Variants in RABGEF1 observed in about 807,000 individuals in gnomAD.
The protein encoded by RABGEF1 is rab5 GDP/GTP exchange factor.
Under a neutral mutation model 57.3 loss-of-function variants are expected in RABGEF1, and 26 were observed. The observed-to-expected ratio is 0.45, with a 90% CI of 0.33 to 0.63. The LOEUF is 0.63. Among genes scored for constraint, RABGEF1 ranks in the 20% least tolerant of loss-of-function variants. The pLI is 0.02. For missense variants in RABGEF1, 464 were observed against 607.6 expected (o/e 0.76, Z 2.48); for synonymous variants, 185 against 210.7 (o/e 0.88, Z 1.06).
intron 2 of RABGEF1, among the ~76,000 whole-genome samples, chr7:66,717,604 G>A (rs1268767894): frequency 6.6e-6 from 1 of 151,870 alleles, no homozygotes; most frequent in Admixed American, 6.6e-5. Context: ...TGTCACCCAG[G>A]CTGGAGTGCA....
intron 1 of RABGEF1, among the ~76,000 whole-genome samples, chr7:66,751,032 C>CTTTTTTTTTT (rs765625657): frequency 7.0e-6 from 1 of 142,870 alleles, no homozygotes. Flanking sequence ...CTCTTTTTTT[C>CTTTTTTTTTT]TTTTTTTTTT....
At chr7:66,668,317 G>A in the RABGEF1 span, among the ~76,000 whole-genome samples, 5 of 152,062 alleles carry the variant, frequency 3.3e-5, no homozygotes, top group Non-Finnish European at 7.4e-5. Flanking sequence ...GGCTGATCTC[G>A]AACTCCTGGC....
At chr7:66,795,850 A>G (rs1320669224) in intron 5 of RABGEF1, among the ~76,000 whole-genome samples, 1 of 152,198 alleles carries the variant, frequency 6.6e-6, no homozygotes, top group Non-Finnish European at 1.5e-5. Context: ...TGACGAAAAC[A>G]TCTTAGGGCC....
intron 1 of RABGEF1, among the ~76,000 whole-genome samples, chr7:66,698,494 TC>T (rs1182658752): frequency 6.6e-6 from 1 of 152,138 alleles, no homozygotes; most frequent in Non-Finnish European, 1.5e-5. Flanking sequence ...CGCAAACAGT[TC>T]CTTGGTTTGG....
the RABGEF1 span, among the ~76,000 whole-genome samples, chr7:66,656,932 A>G: frequency 3.3e-5 from 5 of 152,160 alleles, no homozygotes; most frequent in Non-Finnish European, 7.4e-5. Context: ...TTCTATACTG[A>G]TAAAAAGTTT....
chr7:66,684,810 A>G (rs62466125), intron 1 of RABGEF1, among the ~76,000 whole-genome samples: 5,997 of 151,424 alleles, frequency 0.04, 165 homozygotes, highest in East Asian at 0.087. Flanking sequence ...AATTTTTTGT[A>G]TTTTTAGTAG....
chr7:66,662,578 C>T, the RABGEF1 span, among the ~76,000 whole-genome samples: 1 of 152,330 alleles, frequency 6.6e-6, no homozygotes, highest in Admixed American at 6.5e-5. Flanking sequence ...GGAGGCTTCC[C>T]AATGGGTCAG....
intron 4 of RABGEF1, 139 bp downstream of exon 4, chr7:66,783,980 C>T: frequency 1.2e-6 from 1 of 834,946 alleles, no homozygotes; most frequent in East Asian, 3.0e-5. Context: ...CTAAGAAAAG[C>T]CTCTGAATCA....
Position 66,694,723 on chromosome 7 carries a change from T to G in RABGEF1, c.-873+12465T>G, listed in dbSNP as rs1792068128. On this transcript the variant is annotated intron_variant and NMD_transcript_variant, in intron 1 of 9. Transcript: ENST00000607882. Reference sequence around the variant, plus strand: ...GAAGTCGGAATCTCGTGGATTGGCCTTGGTCTACCAATGGGACAGAGGGTG... The same window carrying G: ...GAAGTCGGAATCTCGTGGATTGGCCGTGGTCTACCAATGGGACAGAGGGTG... 2.6e-5 allele frequency among the ~76,000 whole-genome samples: 4 copies of G among 152,122 alleles called. 1 individual carries two copies. Among genetic ancestry groups the G allele is most frequent in the African/African-American group, 9.7e-5 (4 of 41,424 alleles).
chr7:66,731,795 C>G (rs1797350180), intron 2 of RABGEF1, among the ~76,000 whole-genome samples: 2 of 152,184 alleles, frequency 1.3e-5, no homozygotes, highest in African/African-American at 4.8e-5. Flanking sequence ...TCACCTTCAT[C>G]TAGAGCTGCC....
At chr7:66,750,894 C>T (rs977479922) in intron 1 of RABGEF1, among the ~76,000 whole-genome samples, 1 of 152,212 alleles carries the variant, frequency 6.6e-6, no homozygotes, top group African/African-American at 2.4e-5. Flanking sequence ...TACTCTTCTC[C>T]TGTGTTTGTT....
chr7:66,796,516 T>C (rs1423004077), intron 5 of RABGEF1, among the ~76,000 whole-genome samples: 2 of 152,222 alleles, frequency 1.3e-5, no homozygotes, highest in Non-Finnish European at 2.9e-5. Flanking sequence ...TGTTAGGTCC[T>C]GTCAGACAAC....
the RABGEF1 span, among the ~76,000 whole-genome samples, chr7:66,673,966 C>T: frequency 1.3e-5 from 2 of 152,110 alleles, no homozygotes; most frequent in African/African-American, 4.8e-5. Flanking sequence ...TTTATTCAGC[C>T]CTGGAACGAG....
At chr7:66,658,287 C>T in the RABGEF1 span, among the ~76,000 whole-genome samples, 1 of 152,094 alleles carries the variant, frequency 6.6e-6, no homozygotes, top group African/African-American at 2.4e-5. Context: ...AATCCCAGCA[C>T]TTTGGGAGGC....
chr7:66,727,641 T>C (rs529540346), intron 2 of RABGEF1, among the ~76,000 whole-genome samples: 195 of 152,220 alleles, frequency 1.3e-3, no homozygotes, highest in Non-Finnish European at 2.2e-3. Flanking sequence ...GCCTGTGCAG[T>C]GAGTCGGGAA....
At chr7:66,747,569 TA>T (rs1800538592) in intron 1 of RABGEF1, among the ~76,000 whole-genome samples, 1 of 152,246 alleles carries the variant, frequency 6.6e-6, no homozygotes, top group Non-Finnish European at 1.5e-5. Context: ...CATAGGGGTA[TA>T]TTTATAATTT....
rs956670454 is a variant in RABGEF1, at chr7:66,767,306, G to GT, written c.-17-4567dup. ...GTGTGAGCCACTGTGCCCAGCCGAG[G>GT]TTTTTTTTTTGTTTAAATCATAGAG... On this transcript the variant is annotated intron_variant, in intron 1 of 8. Transcript: ENST00000284957. Among the ~76,000 whole-genome samples the GT allele has an allele frequency of 4.7e-3, 702 of 148,446 alleles. 5 individuals are homozygous for GT. Among genetic ancestry groups the GT allele is most frequent in the African/African-American group, 0.015 (595 of 40,600 alleles).
At chr7:66,724,032 T>G (rs1015801917) in intron 2 of RABGEF1, among the ~76,000 whole-genome samples, 2 of 152,232 alleles carry the variant, frequency 1.3e-5, no homozygotes, top group African/African-American at 2.4e-5. Context: ...ATTTTTGTGT[T>G]GCAGTTTCTG....
In RABGEF1 at chr7:66,811,041, T is replaced by C. The variant is rs1215441619; in HGVS notation, c.*1757T>C. ...AGAATAACCTGGGCCCAAGTGATTT[T>C]AGTACAAAACTTGCCCTTCTTTGGT... On this transcript the variant is annotated 3_prime_UTR_variant, in exon 9 of 9. Transcript: ENST00000284957. 6.6e-6 allele frequency: 1 copy of C among 152,220 alleles called. No homozygotes were observed. Among genetic ancestry groups the C allele is most frequent in the Non-Finnish European group, 1.5e-5 (1 of 68,034 alleles). The allele number at this position is 152,220 out of a possible 1,614,324, so 9.4% of individuals were successfully genotyped here. A position where few individuals can be genotyped will look rare whatever the true frequency, so the allele number is the denominator to read the frequency against.
Sources: allele counts gnomAD v4.1 joint callset (sites outside exome capture counted in the v4.1 genomes callset), GRCh38; gene constraint gnomAD v4.1.1; transcripts MANE v1.5; gene names NCBI Gene and HGNC (gene_info 2026-07-23, HGNC 2026-07-21).